PKHD1L1: variants seen among roughly 807,000 people sequenced by gnomAD.
The protein encoded by PKHD1L1 is fibrocystin-L.
Under a neutral mutation model 462.9 loss-of-function variants are expected in PKHD1L1, and 434 were observed. The observed-to-expected ratio is 0.94, with a 90% CI of 0.87 to 1.02. PKHD1L1 has a LOEUF of 1.02. Among genes scored for constraint, PKHD1L1 ranks in the 50% least tolerant of loss-of-function variants. PKHD1L1 has a pLI of 0.00. For missense variants in PKHD1L1, 5,202 were observed against 5,096.1 expected, an observed-to-expected ratio of 1.02 and a Z score of -0.63; for synonymous variants, 1,781 against 1,750.0, an observed-to-expected ratio of 1.02 and a Z score of -0.44.
At chr8:109,453,247 A>C (rs1409166422) in intron 43 of PKHD1L1, among the ~76,000 whole-genome samples, 1 of 152,118 alleles carries the variant, frequency 6.6e-6, no homozygotes, top group African/African-American at 2.4e-5. Flanking sequence ...CACTTTGAAA[A>C]ACACTGATGT....
intron 68 of PKHD1L1, among the ~76,000 whole-genome samples, chr8:109,506,676 T>C (rs907357657): frequency 6.6e-6 from 1 of 152,174 alleles, no homozygotes. Context: ...ACTACAAAAA[T>C]ATTTATTAAA....
At chr8:109,476,303 CG>C (rs1817984042) in intron 51 of PKHD1L1, among the ~76,000 whole-genome samples, 1 of 151,666 alleles carries the variant, frequency 6.6e-6, no homozygotes, top group East Asian at 1.9e-4. Context: ...GAGATCCTTT[CG>C]TTGCCTTAGT....
rs371217788 is a variant in PKHD1L1, at chr8:109,523,393, G to A, written c.12484+7G>A. 560 of 1,605,496 alleles carry A rather than the reference G, an allele frequency of 3.5e-4. 2 individuals carry two copies. Among genetic ancestry groups the A allele is most frequent in the Non-Finnish European group, 4.7e-4 (550 of 1,174,378 alleles). On this transcript the variant is annotated splice_region_variant and intron_variant, in intron 76 of 77. Coordinates refer to ENST00000378402, the MANE Select transcript of PKHD1L1 (RefSeq NM_177531.6). The stretch of plus-strand genomic sequence containing the variant: ...CTTACTCCCCTTAGAACAGGTGGGT[G>A]CACTATTTTGGATCCTCACATATAT...
intron 10 of PKHD1L1, among the ~76,000 whole-genome samples, chr8:109,395,608 C>T (rs1232504703): frequency 1.3e-5 from 2 of 152,056 alleles, no homozygotes; most frequent in Non-Finnish European, 2.9e-5. Flanking sequence ...TGCAAAGCCA[C>T]AAGAAGTTCA....
intron 27 of PKHD1L1, among the ~76,000 whole-genome samples, chr8:109,431,934 A>G (rs752350627): frequency 4.0e-4 from 61 of 152,182 alleles, no homozygotes; most frequent in Non-Finnish European, 6.6e-4. Flanking sequence ...CAGCAAATGT[A>G]ATAGCAACAT....
At chr8:109,393,046 G>A (rs759055977) in intron 9 of PKHD1L1, among the ~76,000 whole-genome samples, 1 of 152,172 alleles carries the variant, frequency 6.6e-6, no homozygotes, top group Non-Finnish European at 1.5e-5. Flanking sequence ...AACTTAAGAA[G>A]CAGAGTTAAT....
chr8:109,436,559 T>C (rs1038808353), intron 30 of PKHD1L1, 100 bp downstream of exon 30: 16 of 1,520,012 alleles, frequency 1.1e-5, no homozygotes, highest in African/African-American at 2.8e-5. Context: ...GTGGTGTATT[T>C]ACTTAGGAAC....
chr8:109,448,513 T>G lies in PKHD1L1; in HGVS notation c.6025+122T>G, dbSNP rs74367594. 3,379 of 1,197,664 alleles carry G rather than the reference T, an allele frequency of 2.8e-3. 85 individuals carry two copies. The African/African-American group carries it at 0.053, about 19-fold the overall frequency. The allele number at this position is 1,197,664 out of a possible 1,614,324, so 74.2% of individuals were successfully genotyped here. On this transcript the variant is annotated intron_variant, in intron 39 of 77. Coordinates refer to ENST00000378402, the MANE Select transcript of PKHD1L1 (RefSeq NM_177531.6). ...AAATTTCTAGTGTTTTTTTTGTTTG[T>G]TTGGTTTTTTTTTTTTGAGACAGAG... is the stretch of plus-strand genomic sequence containing the variant.
Position 109,404,217 on chromosome 8 carries a change from A to T in PKHD1L1, c.1374-337A>T, listed in dbSNP as rs537435534. 7.7e-4 allele frequency among the ~76,000 whole-genome samples: 117 copies of T among 152,234 alleles called. 1 individual carries two copies. The highest frequency in any genetic ancestry group is 3.4e-3 in the Middle Eastern group (1 of 294). ...ACACATTAAAATATTTAACCTCTGCATGTTGTCTGTGTTATATACCAGGGA... is the reference window on the plus strand; with the variant it reads ...ACACATTAAAATATTTAACCTCTGCTTGTTGTCTGTGTTATATACCAGGGA... On this transcript the variant is annotated intron_variant, in intron 14 of 77. Coordinates refer to ENST00000378402, the MANE Select transcript of PKHD1L1 (RefSeq NM_177531.6).
intron 9 of PKHD1L1, among the ~76,000 whole-genome samples, chr8:109,394,183 A>G (rs1299913901): frequency 2.0e-5 from 3 of 151,122 alleles, no homozygotes; most frequent in African/African-American, 7.3e-5. Flanking sequence ...AAAAAAAAAA[A>G]AAAAAAAAAA....
In PKHD1L1 at chr8:109,497,081, A is replaced by G; in HGVS notation, c.10476+14A>G. The G allele has an allele frequency of 6.2e-7, 1 of 1,612,960 alleles. No individual in the cohort carries two copies. Among genetic ancestry groups the G allele is most frequent in the Non-Finnish European group, 8.5e-7 (1 of 1,179,242 alleles). On this transcript the variant is annotated intron_variant, in intron 64 of 77. Coordinates refer to ENST00000378402, the MANE Select transcript of PKHD1L1 (RefSeq NM_177531.6). ...ATTTATTTTCAGGTAATTATGATTA[A>G]AGATGGTGATTGTTTATTTTCTTTT...
intron 47 of PKHD1L1, 42 bp from the exon 48 acceptor site, chr8:109,461,730 T>C (rs778449568): frequency 1.5e-5 from 23 of 1,558,454 alleles, no homozygotes; most frequent in Non-Finnish European, 2.0e-5. Context: ...ATAAGAGGAT[T>C]CCGACAATTT....
At chr8:109,426,563 A>T (rs1373433583) in intron 24 of PKHD1L1, among the ~76,000 whole-genome samples, 1 of 152,140 alleles carries the variant, frequency 6.6e-6, no homozygotes, top group Non-Finnish European at 1.5e-5. Flanking sequence ...TTTTTACTAC[A>T]TTGGAGGGGG....
chr8:109,510,709 C>T, intron 70 of PKHD1L1, 68 bp from the exon 71 acceptor site: 1 of 1,488,020 alleles, frequency 6.7e-7, no homozygotes, highest in Non-Finnish European at 9.0e-7. Context: ...AATACAATTA[C>T]TCTTCAGATT....
chr8:109,368,851 G>C (rs1448340365), intron 2 of PKHD1L1, among the ~76,000 whole-genome samples: 1 of 152,124 alleles, frequency 6.6e-6, no homozygotes, highest in East Asian at 1.9e-4. Flanking sequence ...ACATCAACAT[G>C]TCAGGAATTT....
chr8:109,399,213 A>C (rs1015416938), intron 12 of PKHD1L1, among the ~76,000 whole-genome samples: 7 of 152,190 alleles, frequency 4.6e-5, no homozygotes, highest in African/African-American at 1.7e-4. Context: ...TGAACAGTTT[A>C]AGAAAATAAT....
chr8:109,381,554 T>A, intron 3 of PKHD1L1, 40 bp downstream of exon 3: 1 of 1,408,882 alleles, frequency 7.1e-7, no homozygotes, highest in Non-Finnish European at 9.7e-7. Flanking sequence ...ATTTTCATCA[T>A]ATCAGAAGTT....
At chr8:109,380,976 A>T (rs1193743627) in intron 2 of PKHD1L1, among the ~76,000 whole-genome samples, 1 of 152,098 alleles carries the variant, frequency 6.6e-6, no homozygotes, top group East Asian at 1.9e-4. Context: ...GCTCTCTGTA[A>T]CTTCGAGCCT....
intron 59 of PKHD1L1, among the ~76,000 whole-genome samples, 154 bp downstream of exon 59, chr8:109,486,975 G>A (rs1175112924): frequency 6.6e-6 from 1 of 151,914 alleles, no homozygotes; most frequent in Non-Finnish European, 1.5e-5. Flanking sequence ...TACCTTCCAA[G>A]TAAATTCTCT....
Sources: allele counts gnomAD v4.1 joint callset (sites outside exome capture counted in the v4.1 genomes callset), GRCh38; gene constraint gnomAD v4.1.1; transcripts MANE v1.5; gene names NCBI Gene and HGNC (gene_info 2026-07-23, HGNC 2026-07-21).